APPBP2: variants seen among roughly 807,000 people sequenced by gnomAD.
The protein encoded by APPBP2 is amyloid beta precursor protein binding protein 2.
APPBP2 carries 15 observed loss-of-function variants against 76.0 expected under a neutral mutation model. The observed-to-expected ratio is 0.20, with a 90% CI of 0.13 to 0.30. The LOEUF is 0.30. Among genes scored for constraint, APPBP2 ranks in the 10% least tolerant of loss-of-function variants. The probability of loss-of-function intolerance (pLI) is 1.00; values close to 1 mark genes in which losing one functional copy is unlikely to be tolerated. For synonymous variants in APPBP2, 222 were observed against 242.2 expected (o/e 0.92, Z 0.77); for missense variants, 401 against 687.2 (o/e 0.58, Z 4.66).
intron 12 of APPBP2, among the ~76,000 whole-genome samples, chr17:60,450,161 C>T (rs896628040): frequency 1.3e-5 from 2 of 151,370 alleles, no homozygotes; most frequent in South Asian, 4.3e-4. Context: ...GCAGGCTGGA[C>T]GCGGTGGCTC....
intron 2 of APPBP2, among the ~76,000 whole-genome samples, chr17:60,495,936 T>C (rs2090772511): frequency 6.6e-6 from 1 of 152,124 alleles, no homozygotes. Flanking sequence ...ATCCTTACGA[T>C]GGAAAATTAT....
chr17:60,520,841 T>A (rs554072364), intron 1 of APPBP2, among the ~76,000 whole-genome samples: 1 of 152,160 alleles, frequency 6.6e-6, no homozygotes, highest in East Asian at 1.9e-4. Context: ...GGATTACAGG[T>A]GTGAGCTACC....
At chr17:60,457,901 TACA>T (rs1246260151) in intron 9 of APPBP2, among the ~76,000 whole-genome samples, 1 of 152,238 alleles carries the variant, frequency 6.6e-6, no homozygotes, top group South Asian at 2.1e-4. Flanking sequence ...AAATCAATTT[TACA>T]ACATTTTCAT....
At chr17:60,455,793 C>CTTTTTTCTTTTTTTT (rs375591405) in intron 10 of APPBP2, among the ~76,000 whole-genome samples, 1 of 151,162 alleles carries the variant, frequency 6.6e-6, no homozygotes, top group African/African-American at 2.5e-5. Context: ...ATTTTTTTTT[C>CTTTTTTCTTTTTTTT]TTGAGACAGA....
intron 1 of APPBP2, among the ~76,000 whole-genome samples, chr17:60,503,199 G>A (rs572297266): frequency 2.8e-5 from 4 of 144,718 alleles, no homozygotes; most frequent in Admixed American, 2.0e-4. Flanking sequence ...TTTTAGTGGC[G>A]ACAAGGTTTC....
chr17:60,502,776 T>G (rs1282864870), intron 1 of APPBP2, among the ~76,000 whole-genome samples: 1 of 145,850 alleles, frequency 6.9e-6, no homozygotes, highest in Non-Finnish European at 1.5e-5. Context: ...TCGCTTGAAC[T>G]CGTAAGACAG....
At chr17:60,481,485 T>C (rs893743351) in intron 3 of APPBP2, among the ~76,000 whole-genome samples, 1 of 152,210 alleles carries the variant, frequency 6.6e-6, no homozygotes, top group Non-Finnish European at 1.5e-5. Flanking sequence ...AAATGAACTA[T>C]TCAGATATAA....
chr17:60,479,132 A>G lies in APPBP2; in HGVS notation c.503+16T>C, dbSNP rs377696213. The G allele has an allele frequency of 1.9e-5, 30 of 1,606,706 alleles. No individual in the cohort carries two copies. Among genetic ancestry groups the G allele is most frequent in the Non-Finnish European group, 2.4e-5 (28 of 1,178,036 alleles). Reference sequence around the variant, plus strand: ...TACTGTTATAGCACGTAATTACAGGATATGTTCCAACTTACCTCACACAAC... The same window carrying G: ...TACTGTTATAGCACGTAATTACAGGGTATGTTCCAACTTACCTCACACAAC... On this transcript the variant is annotated intron_variant, in intron 4 of 12. Coordinates refer to ENST00000083182, the MANE Select transcript of APPBP2 (RefSeq NM_006380.5).
chr17:60,454,195 C>A (rs545976078), intron 11 of APPBP2, 107 bp downstream of exon 11: 1 of 830,124 alleles, frequency 1.2e-6, no homozygotes, highest in Non-Finnish European at 1.8e-6. Flanking sequence ...CTTCTCAATT[C>A]CTTTGTGCAA....
intron 1 of APPBP2, among the ~76,000 whole-genome samples, chr17:60,506,229 A>G (rs559405204): frequency 6.0e-5 from 9 of 148,980 alleles, no homozygotes; most frequent in Admixed American, 2.0e-4. Flanking sequence ...CTTGGGCTCA[A>G]GTGATACTCC....
At chr17:60,507,735 A>G (rs914222947) in intron 1 of APPBP2, among the ~76,000 whole-genome samples, 1 of 152,180 alleles carries the variant, frequency 6.6e-6, no homozygotes, top group African/African-American at 2.4e-5. Context: ...TACTTTGGGA[A>G]AAACCTCACT....
At chr17:60,478,733 C>T (rs571964952) in intron 4 of APPBP2, among the ~76,000 whole-genome samples, 1 of 152,194 alleles carries the variant, frequency 6.6e-6, no homozygotes, top group African/African-American at 2.4e-5. Flanking sequence ...ACCAGCCTGA[C>T]CAACATGGCA....
intron 1 of APPBP2, among the ~76,000 whole-genome samples, chr17:60,520,535 T>C (rs900475780): frequency 2.1e-5 from 3 of 143,710 alleles, no homozygotes; most frequent in Non-Finnish European, 3.0e-5. Flanking sequence ...ATTGTGCCTA[T>C]GCACTCGAGC....
At chr17:60,489,402 G>A (rs1384465493) in intron 3 of APPBP2, among the ~76,000 whole-genome samples, 1 of 151,746 alleles carries the variant, frequency 6.6e-6, no homozygotes, top group Non-Finnish European at 1.5e-5. Context: ...CCTGAGGTTA[G>A]CAATTTGAGA....
At chr17:60,460,605 A>G in intron 9 of APPBP2, 58 bp downstream of exon 9, 1 of 1,554,146 alleles carries the variant, frequency 6.4e-7, no homozygotes. Context: ...AATGGGAAAA[A>G]ACAAAATAAA....
At chr17:60,450,746 T>TGG (rs1181393709) in intron 12 of APPBP2, among the ~76,000 whole-genome samples, 2 of 148,292 alleles carry the variant, frequency 1.3e-5, no homozygotes, top group Non-Finnish European at 3.0e-5. Flanking sequence ...CACTCCAGCC[T>TGG]GGGTGACAGA....
At chr17:60,450,605 A>G (rs986649615) in intron 12 of APPBP2, among the ~76,000 whole-genome samples, 22 of 147,394 alleles carry the variant, frequency 1.5e-4, no homozygotes, top group Non-Finnish European at 8.9e-5. Context: ...CCTTGTCCCT[A>G]TTGAAACAAT....
rs2090339720 is a variant in APPBP2, at chr17:60,445,652, C to T, written c.*1929G>A. Reference sequence around the variant, plus strand: ...ACTTAAAAATGTTAGTCCTTGGTCACAAAGACTATTTGGTAATTAATAAAG... The same window carrying T: ...ACTTAAAAATGTTAGTCCTTGGTCATAAAGACTATTTGGTAATTAATAAAG... On this transcript the variant is annotated 3_prime_UTR_variant, in exon 13 of 13. Transcript: ENST00000083182. 6.6e-6 allele frequency: 1 copy of T among 151,260 alleles called. No homozygotes were observed. Among genetic ancestry groups the T allele is most frequent in the South Asian group, 2.1e-4 (1 of 4,790 alleles). 9.4% of individuals were successfully genotyped at this position (151,260 alleles called of 1,614,324 possible). A position where few individuals can be genotyped will look rare whatever the true frequency, so the allele number is the denominator to read the frequency against.
chr17:60,484,799 T>G (rs2090659832), intron 3 of APPBP2, among the ~76,000 whole-genome samples: 1 of 152,222 alleles, frequency 6.6e-6, no homozygotes, highest in African/African-American at 2.4e-5. Flanking sequence ...GAAAACTGTC[T>G]TGTGCCAGTT....
Sources: gnomAD v4.1 joint callset for allele counts (sites outside exome capture counted in the v4.1 genomes callset) on GRCh38, gnomAD v4.1.1 for gene constraint, MANE v1.5 for transcripts, NCBI Gene and HGNC (gene_info 2026-07-23, HGNC 2026-07-21) for gene names.